The following DDRGK1 variants were observed in gnomAD, a reference collection of about 807,000 sequenced individuals.
DDRGK1 encodes the protein DDRGK domain-containing protein 1.
Under a neutral mutation model 45.8 loss-of-function variants are expected in DDRGK1, and 38 were observed. The ratio of observed to expected loss-of-function variants is 0.83; its 90% confidence interval spans 0.64 to 1.09. DDRGK1 has a LOEUF of 1.09. Among genes scored for constraint, DDRGK1 ranks in the 50% least tolerant of loss-of-function variants. The pLI, the probability that DDRGK1 is intolerant of heterozygous loss-of-function variation, is 0.00. For synonymous variants in DDRGK1, 171 were observed against 168.7 expected, an observed-to-expected ratio of 1.01 and a Z score of -0.11; for missense variants, 403 against 419.9, an observed-to-expected ratio of 0.96 and a Z score of 0.35.
intron 5 of DDRGK1, 105 bp from the exon 6 acceptor site, chr20:3,194,973 A>G: frequency 6.7e-7 from 1 of 1,493,112 alleles, no homozygotes; most frequent in Non-Finnish European, 9.2e-7. Flanking sequence ...ACCTGCCTGC[A>G]GCCTGCCTTT....
chr20:3,192,229 G>A (rs1031174713), intron 6 of DDRGK1, among the ~76,000 whole-genome samples: 8 of 152,076 alleles, frequency 5.3e-5, no homozygotes, highest in Non-Finnish European at 8.8e-5. Context: ...GGAAGGAGGC[G>A]GTGAGAGTCA....
chr20:3,203,481 G>A (rs1005434656), intron 1 of DDRGK1, 65 bp from the exon 2 acceptor site: 14 of 1,438,394 alleles, frequency 9.7e-6, no homozygotes, highest in African/African-American at 5.8e-5. Context: ...CAGGAGGAGC[G>A]GCAGCCCGGA....
intron 4 of DDRGK1, among the ~76,000 whole-genome samples, chr20:3,199,023 T>C (rs2067024506): frequency 6.9e-6 from 1 of 145,348 alleles, no homozygotes; most frequent in Non-Finnish European, 1.5e-5. Flanking sequence ...GGTGCACACC[T>C]ATAGTCCCAG....
rs376165090 is a variant in DDRGK1 at position 3,200,057 on chromosome 20, G to C, written c.454C>G (p.Arg152Gly). The stretch of plus-strand genomic sequence containing the variant: ...TCCTCCTTCTTCCACTCAGCTTCGC[G>C]CTGGGACTCGAGTCGTTTCCGCTCC... ...REERKRLESQ[R>G]EAEWKKEEER... The change falls in exon 4 of 9, where the codon CGC becomes GGC. Residue 152 changes from arginine to glycine, a missense_variant. By Grantham distance (125) the Arg-to-Gly change is moderately radical. Transcript: ENST00000354488. The C allele has an allele frequency of 1.9e-6, 3 of 1,613,866 alleles. No individual in the cohort carries two copies. Among genetic ancestry groups the C allele is most frequent in the South Asian group, 1.1e-5 (1 of 91,052 alleles).
chr20:3,200,937 C>T (rs1365498140), intron 2 of DDRGK1, among the ~76,000 whole-genome samples: 2 of 152,160 alleles, frequency 1.3e-5, no homozygotes, highest in Non-Finnish European at 2.9e-5. Context: ...GGTGAAACCT[C>T]ATCTCTACTA....
intron 4 of DDRGK1, among the ~76,000 whole-genome samples, chr20:3,198,100 TA>T (rs34302663): frequency 0.058 from 3,093 of 53,020 alleles, 41 homozygotes; most frequent in East Asian, 0.12. Flanking sequence ...CCATCTCTCT[TA>T]AAAAAAAAAA....
chr20:3,203,139 C>A (rs1033290248), intron 2 of DDRGK1, 74 bp downstream of exon 2: 6 of 1,365,242 alleles, frequency 4.4e-6, no homozygotes, highest in Non-Finnish European at 4.9e-6. Context: ...CCTACTCCCC[C>A]ACTTAGCTTT....
chr20:3,190,544 T>G lies in DDRGK1; in HGVS notation c.*109A>C. 1 of 1,398,248 alleles carries G rather than the reference T, an allele frequency of 7.2e-7. No individual in the cohort carries two copies. The highest frequency in any genetic ancestry group is 1.3e-5 in the South Asian group (1 of 76,330). 86.6% of individuals were successfully genotyped at this position (1,398,248 alleles called of 1,614,324 possible). ...CTCAGCAGTACTCACAGGCCTTTAATCTATAACTGCCTGGCCACACCATCA... is the reference window on the plus strand; with the variant it reads ...CTCAGCAGTACTCACAGGCCTTTAAGCTATAACTGCCTGGCCACACCATCA... On this transcript the variant is annotated 3_prime_UTR_variant, in exon 9 of 9. Coordinates refer to ENST00000354488, the MANE Select transcript of DDRGK1 (RefSeq NM_023935.3).
At chr20:3,199,003 C>A (rs1182220955) in intron 4 of DDRGK1, among the ~76,000 whole-genome samples, 1 of 97,684 alleles carries the variant, frequency 1.0e-5, no homozygotes, top group African/African-American at 3.9e-5. Flanking sequence ...AAAAATTAGC[C>A]AGGCATGGTG....
chr20:3,195,843 C>T (rs1002711125), intron 4 of DDRGK1, among the ~76,000 whole-genome samples: 1 of 152,154 alleles, frequency 6.6e-6, no homozygotes. Context: ...CCCATGCCCT[C>T]CACTCACCAA....
At chr20:3,204,070 G>A (rs985976184) in intron 1 of DDRGK1, among the ~76,000 whole-genome samples, 1 of 152,178 alleles carries the variant, frequency 6.6e-6, no homozygotes, top group Non-Finnish European at 1.5e-5. Context: ...AAGGGAGAGA[G>A]CTTCAGGAAT....
intron 3 of DDRGK1, 86 bp downstream of exon 3, chr20:3,200,256 C>G: frequency 6.8e-7 from 1 of 1,475,690 alleles, no homozygotes; most frequent in Non-Finnish European, 9.2e-7. Flanking sequence ...GCCCAGCAGG[C>G]AACAAGCCCT....
chr20:3,200,898 T>C (rs4426592), intron 2 of DDRGK1, among the ~76,000 whole-genome samples: 108,447 of 151,954 alleles, frequency 0.71, 39,686 homozygotes, highest in African/African-American at 0.89. Context: ...ATCACGAGGT[T>C]AGGAGATCGA....
At chr20:3,199,606 C>T (rs1006997460) in intron 4 of DDRGK1, among the ~76,000 whole-genome samples, 2 of 152,230 alleles carry the variant, frequency 1.3e-5, no homozygotes, top group African/African-American at 4.8e-5. Flanking sequence ...ATTCCCTGAG[C>T]ACCTTCTGTA....
intron 4 of DDRGK1, among the ~76,000 whole-genome samples, chr20:3,199,631 T>C (rs1026072695): frequency 6.6e-6 from 1 of 152,226 alleles, no homozygotes; most frequent in African/African-American, 2.4e-5. Flanking sequence ...AGGCCCTCGA[T>C]GTAAGAACCA....
At chr20:3,199,810 A>T (rs1404602972) in intron 4 of DDRGK1, among the ~76,000 whole-genome samples, 191 bp downstream of exon 4, 1 of 151,530 alleles carries the variant, frequency 6.6e-6, no homozygotes, top group Non-Finnish European at 1.5e-5. Context: ...AAAAATCCCC[A>T]CTCCAGGCTC....
chr20:3,192,392 T>C (rs532683368), intron 6 of DDRGK1, among the ~76,000 whole-genome samples: 1 of 152,268 alleles, frequency 6.6e-6, no homozygotes, highest in East Asian at 1.9e-4. Context: ...GGTGAGTACA[T>C]GGACAAGAGG....
rs1310185408 is a variant in DDRGK1 at position 3,198,710 on chromosome 20, AAAAAAAAAAC to A, written c.510+1281_510+1290del. Among the ~76,000 whole-genome samples, 318 of 145,258 alleles carry A rather than the reference AAAAAAAAAAC, an allele frequency of 2.2e-3. 8 individuals carry two copies. The highest frequency in any genetic ancestry group is 0.014 in the Admixed American group (192 of 14,118). On this transcript the variant is annotated intron_variant, in intron 4 of 8. Transcript: ENST00000354488. ...AGTGGAACTCCGTTTCAAAAAAAAA[AAAAAAAAAAC>A]AAAACAGAAATTCTGATAAACTGTC... is the stretch of plus-strand genomic sequence containing the variant.
At chr20:3,191,718 A>G (rs1193836036) in intron 7 of DDRGK1, 47 bp downstream of exon 7, 3 of 1,567,732 alleles carry the variant, frequency 1.9e-6, no homozygotes, top group Non-Finnish European at 1.7e-6. Context: ...TGCTAGCCAC[A>G]GACCCCTGGC....
Sources: allele counts gnomAD v4.1 joint callset (sites outside exome capture counted in the v4.1 genomes callset), GRCh38; gene constraint gnomAD v4.1.1; transcripts MANE v1.5; gene names NCBI Gene and HGNC (gene_info 2026-07-23, HGNC 2026-07-21).